Variants in RALYL observed in about 807,000 individuals in gnomAD.
The protein encoded by RALYL is RNA-binding Raly-like protein.
A neutral mutation model predicts 35.1 loss-of-function variants in RALYL; 29 were observed. The observed-to-expected ratio is 0.83, with a 90% CI of 0.61 to 1.13. The LOEUF is 1.13. Among genes scored for constraint, RALYL ranks in the 50% most tolerant of loss-of-function variants. The pLI is 0.00. For missense variants in RALYL, 359 were observed against 360.4 expected, an observed-to-expected ratio of 1.00 and a Z score of 0.03; for synonymous variants, 120 against 127.6, an observed-to-expected ratio of 0.94 and a Z score of 0.40.
chr8:84,261,512 A>G (rs570841625), intron 1 of RALYL, among the ~76,000 whole-genome samples: 13 of 152,272 alleles, frequency 8.5e-5, no homozygotes, highest in Admixed American at 7.8e-4. Context: ...CCATGATTAT[A>G]TGTTTCCTAA....
rs11369940 is a variant in RALYL at position 84,184,345 on chromosome 8, GA to G, written c.-92del. The G allele has an allele frequency of 9.9e-3, 1,475 of 148,378 alleles. 25 individuals carry two copies. Among genetic ancestry groups the G allele is most frequent in the African/African-American group, 0.031 (1,260 of 40,400 alleles). The allele number at this position is 148,378 out of a possible 1,614,324, so 9.2% of individuals were successfully genotyped here. A position where few individuals can be genotyped will look rare whatever the true frequency, so the allele number is the denominator to read the frequency against. ...ATGATGGCAGTGGAAGGTTTTTCTGGAAAAAAAAAAATGAAGTGCGGTTTGG... is the reference window on the plus strand; with the variant it reads ...ATGATGGCAGTGGAAGGTTTTTCTGGAAAAAAAAAATGAAGTGCGGTTTGG... On this transcript the variant is annotated 5_prime_UTR_variant, in exon 1 of 9. It adds an upstream start codon to the 5' untranslated region. Coordinates refer to ENST00000521268, the MANE Select transcript of RALYL (RefSeq NM_173848.7).
intron 1 of RALYL, among the ~76,000 whole-genome samples, chr8:84,222,820 C>T (rs563815744): frequency 6.6e-6 from 1 of 152,036 alleles, no homozygotes; most frequent in South Asian, 2.1e-4. Flanking sequence ...ATAAGAAGAT[C>T]GAGTCTTTGG....
chr8:84,249,526 C>T (rs1829770831), intron 1 of RALYL, among the ~76,000 whole-genome samples: 1 of 152,112 alleles, frequency 6.6e-6, no homozygotes, highest in African/African-American at 2.4e-5. Flanking sequence ...ATTCTTTTAA[C>T]TTTATTTTTA....
chr8:84,440,740 G>GT (rs1457222517), intron 1 of RALYL, among the ~76,000 whole-genome samples: 3 of 151,928 alleles, frequency 2.0e-5, no homozygotes, highest in East Asian at 3.9e-4. Flanking sequence ...ATATGACACA[G>GT]TTTTTTTATT....
At chr8:84,414,093 G>T (rs528204664) in intron 1 of RALYL, among the ~76,000 whole-genome samples, 1 of 151,814 alleles carries the variant, frequency 6.6e-6, no homozygotes, top group East Asian at 1.9e-4. Context: ...GCAGAAAAAT[G>T]GTCTGAAAAA....
At chr8:84,224,171 G>A (rs1433292086) in intron 1 of RALYL, among the ~76,000 whole-genome samples, 1 of 152,108 alleles carries the variant, frequency 6.6e-6, no homozygotes, top group African/African-American at 2.4e-5. Context: ...GGGCAAAATG[G>A]TCATATGCTC....
chr8:84,343,978 A>G, intron 1 of RALYL, among the ~76,000 whole-genome samples: 1 of 151,988 alleles, frequency 6.6e-6, no homozygotes, highest in South Asian at 2.1e-4. Context: ...ATATATGGCA[A>G]TTGTTTTACT....
At chr8:84,702,017 C>A (rs1840289641) in intron 2 of RALYL, among the ~76,000 whole-genome samples, 1 of 152,108 alleles carries the variant, frequency 6.6e-6, no homozygotes, top group Non-Finnish European at 1.5e-5. Flanking sequence ...CTTAGCTTCA[C>A]TTTACTGAAG....
chr8:84,253,176 G>GT (rs764942491), intron 1 of RALYL, among the ~76,000 whole-genome samples: 1,784 of 52,860 alleles, frequency 0.034, 623 homozygotes, highest in African/African-American at 0.065. Context: ...TAGTTCTGCA[G>GT]TTTTTTTTTT....
chr8:84,536,865 T>C (rs1461722587), intron 2 of RALYL, among the ~76,000 whole-genome samples: 1 of 152,200 alleles, frequency 6.6e-6, no homozygotes, highest in African/African-American at 2.4e-5. Flanking sequence ...AAATATTCGC[T>C]GCAATAAGCA....
At chr8:84,568,481 G>T (rs991474174) in intron 2 of RALYL, among the ~76,000 whole-genome samples, 41 of 149,930 alleles carry the variant, frequency 2.7e-4, no homozygotes, top group Non-Finnish European at 5.4e-4. Flanking sequence ...CCAAGTCTTT[G>T]CTATTGTGAA....
chr8:84,291,012 G>T (rs1230435783), intron 1 of RALYL, among the ~76,000 whole-genome samples: 1 of 151,988 alleles, frequency 6.6e-6, no homozygotes, highest in Non-Finnish European at 1.5e-5. Context: ...TTCAAGTAAT[G>T]AATTGATTGC....
chr8:84,832,662 A>AT (rs1831162492), intron 4 of RALYL, among the ~76,000 whole-genome samples: 1 of 152,136 alleles, frequency 6.6e-6, no homozygotes, highest in Non-Finnish European at 1.5e-5. Flanking sequence ...TAAATGTTAC[A>AT]TTTTAACAAT....
At chr8:84,894,739 T>A (rs1844445597) in intron 8 of RALYL, among the ~76,000 whole-genome samples, 1 of 152,208 alleles carries the variant, frequency 6.6e-6, no homozygotes. Context: ...AGAGTTCTGA[T>A]CCCTTTGTAA....
At chr8:84,602,750 G>T (rs1378551646) in intron 2 of RALYL, among the ~76,000 whole-genome samples, 6 of 152,116 alleles carry the variant, frequency 3.9e-5, no homozygotes, top group African/African-American at 1.4e-4. Context: ...CTAACTAACT[G>T]CTGGGGCTAC....
intron 2 of RALYL, among the ~76,000 whole-genome samples, chr8:84,550,396 T>C (rs1346300204): frequency 6.6e-6 from 1 of 152,130 alleles, no homozygotes; most frequent in Non-Finnish European, 1.5e-5. Context: ...GCCTTGCTAA[T>C]GTAGTAGTTA....
chr8:84,215,089 TA>T (rs1323103036), intron 1 of RALYL, among the ~76,000 whole-genome samples: 1 of 151,882 alleles, frequency 6.6e-6, no homozygotes, highest in Non-Finnish European at 1.5e-5. Context: ...GTATTTTTAG[TA>T]GAGATGGGGT....
At chr8:84,387,602 G>C (rs987366356) in intron 1 of RALYL, among the ~76,000 whole-genome samples, 1 of 151,518 alleles carries the variant, frequency 6.6e-6, no homozygotes, top group African/African-American at 2.4e-5. Flanking sequence ...GGCAGGGATT[G>C]ACTGCCATGT....
intron 1 of RALYL, among the ~76,000 whole-genome samples, chr8:84,467,450 G>T (rs1264431839): frequency 1.5e-5 from 2 of 130,504 alleles, no homozygotes; most frequent in Non-Finnish European, 3.5e-5. Context: ...TAGTTGAGCA[G>T]CTTTGAGTGG....
Sources: gnomAD v4.1 joint callset for allele counts (sites outside exome capture counted in the v4.1 genomes callset) on GRCh38, gnomAD v4.1.1 for gene constraint, MANE v1.5 for transcripts, NCBI Gene and HGNC (gene_info 2026-07-23, HGNC 2026-07-21) for gene names.